Variants in ABCC9 observed in about 807,000 individuals in gnomAD.
ABCC9 encodes ATP binding cassette subfamily C member 9.
ABCC9 carries 95 observed loss-of-function variants against 188.3 expected under a neutral mutation model. That is an observed-to-expected ratio of 0.50 (90% CI 0.43 to 0.60). The LOEUF is 0.60. Ranked by LOEUF, ABCC9 falls within the 20% of genes least tolerant of loss-of-function variation. ABCC9 has a pLI of 0.00. For synonymous variants in ABCC9, 659 were observed against 652.7 expected (o/e 1.01, Z -0.15); for missense variants, 1,102 against 1,876.3 (o/e 0.59, Z 7.62).
At chr12:21,896,823 A>G (rs1947453906) in intron 12 of ABCC9, among the ~76,000 whole-genome samples, 1 of 152,186 alleles carries the variant, frequency 6.6e-6, no homozygotes, top group Admixed American at 6.5e-5. Context: ...TCTATCACTG[A>G]TGGACATTTG....
intron 35 of ABCC9, 49 bp downstream of exon 35, chr12:21,814,595 T>A: frequency 6.7e-7 from 1 of 1,489,876 alleles, no homozygotes; most frequent in Non-Finnish European, 9.4e-7. Flanking sequence ...GATGTTTTTT[T>A]AAAGGAAAGC....
rs565927065 is a variant in ABCC9 at position 21,812,093 on chromosome 12, A to T, written c.4167T>A (p.Leu1389=). Residue 1389 remains leucine (L), a synonymous_variant, in exon 36 of 40, where the codon CTT becomes CTA. Transcript: ENST00000261200. ...GTATTGGATCCTGCAGAATGATTGA[A>T]AGTCTAGAACGTAGTGTGTGCAGTG... ...KLPLHTLRSR[L]SIILQDPILF... 6.2e-7 allele frequency: 1 copy of T among 1,613,338 alleles called. No homozygotes were observed. Among genetic ancestry groups the T allele is most frequent in the African/African-American group, 1.3e-5 (1 of 75,022 alleles).
At position 21,915,913 on chromosome 12, in the gene ABCC9, G is replaced by A. The variant is rs1413553868; in HGVS notation, c.574-3C>T. The A allele has an allele frequency of 6.2e-7, 1 of 1,611,180 alleles. No homozygotes were observed. The highest frequency in any genetic ancestry group is 8.5e-7 in the Non-Finnish European group (1 of 1,177,844). On this transcript the variant is annotated splice_region_variant and splice_polypyrimidine_tract_variant and intron_variant, in intron 6 of 39. Coordinates refer to ENST00000261200, the MANE Select transcript of ABCC9 (RefSeq NM_020297.4). ...GGATTCATGAAAAATACATATCTCTGTGGCAAGAAAAATTCCACAGTATAA... is the reference window on the plus strand; with the variant it reads ...GGATTCATGAAAAATACATATCTCTATGGCAAGAAAAATTCCACAGTATAA...
chr12:21,810,949 A>G (rs1315638572), intron 36 of ABCC9, among the ~76,000 whole-genome samples: 1 of 152,164 alleles, frequency 6.6e-6, no homozygotes, highest in Non-Finnish European at 1.5e-5. Flanking sequence ...TTAGGAGCAA[A>G]ATAGAACAAA....
intron 22 of ABCC9, 69 bp downstream of exon 22, chr12:21,859,517 C>T (rs1215375474): frequency 6.8e-7 from 1 of 1,472,030 alleles, no homozygotes; most frequent in South Asian, 1.1e-5. Context: ...TTGACTTACA[C>T]CTTTTTAAAG....
At chr12:21,844,348 TAC>T (rs1944525925) in intron 28 of ABCC9, 133 bp downstream of exon 28, 11 of 733,484 alleles carry the variant, frequency 1.5e-5, no homozygotes, top group Non-Finnish European at 2.6e-5. Context: ...CATGTATTGA[TAC>T]AAATACAAAT....
chr12:21,861,045 C>T lies in ABCC9; in HGVS notation c.2350G>A (p.Val784Ile), dbSNP rs1392018653. 1 of 1,613,360 alleles carries T rather than the reference C, an allele frequency of 6.2e-7. No homozygotes were observed. Among genetic ancestry groups the T allele is most frequent in the East Asian group, 2.2e-5 (1 of 44,850 alleles). Residue 784 changes from valine (V) to isoleucine (I), a missense_variant, in exon 21 of 40, where the codon GTC becomes ATC. Val to Ile is a conservative substitution (Grantham distance 29). Around this residue, in one of 12 missense-constraint regions of ABCC9, gnomAD observed 258 missense variants for 325.6 expected, o/e 0.79. Transcript: ENST00000261200. Reference sequence around the variant, plus strand: ...GGCTGAAGAGAACAGGCATCTGTGACAGCTTTGTACCTTTGGGAGAAATGA... The same window carrying T: ...GGCTGAAGAGAACAGGCATCTGTGATAGCTTTGTACCTTTGGGAGAAATGA... ...SPFNKQRYKA[V>I]TDACSLQPDI...
rs1330468044 is a variant in ABCC9 at position 21,834,703 on chromosome 12, C to A, written c.3566+3375G>T. On this transcript the variant is annotated intron_variant, in intron 30 of 39. Coordinates refer to ENST00000261200, the MANE Select transcript of ABCC9 (RefSeq NM_020297.4). ...TCTTTTTCCATCCATCTGTTCCTTT[C>A]ATATATATATATCCAGAAGAATAAA... is the stretch of plus-strand genomic sequence containing the variant. 4.7e-5 allele frequency among the ~76,000 whole-genome samples: 7 copies of A among 149,992 alleles called. No individual in the cohort carries two copies. The East Asian group carries it at 1.4e-3, about 29-fold the overall frequency.
Position 21,910,992 on chromosome 12 carries a change from A to G in ABCC9, c.1012-14T>C. The G allele has an allele frequency of 1.2e-6, 2 of 1,610,952 alleles. No homozygotes were observed. Among genetic ancestry groups the G allele is most frequent in the African/African-American group, 1.3e-5 (1 of 74,926 alleles). On this transcript the variant is annotated splice_polypyrimidine_tract_variant and intron_variant, in intron 8 of 39. Coordinates refer to ENST00000261200, the MANE Select transcript of ABCC9 (RefSeq NM_020297.4). The stretch of plus-strand genomic sequence containing the variant: ...GGTTTCTGAAATCTGGTCCCCAAAG[A>G]AAAAAAGTGTCATATTAAAACTCGT...
chr12:21,893,023 A>G (rs1000334757), intron 14 of ABCC9, among the ~76,000 whole-genome samples: 11 of 152,178 alleles, frequency 7.2e-5, no homozygotes, highest in Non-Finnish European at 5.9e-5. Context: ...ATTGTTTACA[A>G]AGCATTCTGA....
chr12:21,816,593 G>C (rs1256826237), intron 33 of ABCC9, among the ~76,000 whole-genome samples: 1 of 152,172 alleles, frequency 6.6e-6, no homozygotes, highest in East Asian at 1.9e-4. Flanking sequence ...AGTGTGGCCA[G>C]AGTAAAAGTG....
intron 24 of ABCC9, 23 bp from the exon 25 acceptor site, chr12:21,848,269 A>G: frequency 6.3e-7 from 1 of 1,597,710 alleles, no homozygotes; most frequent in African/African-American, 1.3e-5. Context: ...TTGTACTATC[A>G]TGCAAGGAGC....
chr12:21,812,521 C>T (rs1428481343), intron 35 of ABCC9, among the ~76,000 whole-genome samples: 2 of 152,114 alleles, frequency 1.3e-5, no homozygotes, highest in Non-Finnish European at 2.9e-5. Flanking sequence ...ATGCAGCCAT[C>T]GAAAAGGATG....
At chr12:21,862,916 G>A in intron 20 of ABCC9, 37 bp downstream of exon 20, 2 of 1,313,694 alleles carry the variant, frequency 1.5e-6, no homozygotes, top group Non-Finnish European at 2.2e-6. Flanking sequence ...AGAAAGAGTT[G>A]CCATTTTGGT....
At chr12:21,831,609 G>T (rs1943762596) in intron 30 of ABCC9, among the ~76,000 whole-genome samples, 1 of 152,186 alleles carries the variant, frequency 6.6e-6, no homozygotes, top group Non-Finnish European at 1.5e-5. Flanking sequence ...AGGAAATGGA[G>T]TGAAGGGTGG....
chr12:21,876,820 T>A lies in ABCC9; in HGVS notation c.2020-1094A>T, dbSNP rs982403087. 2.0e-5 allele frequency among the ~76,000 whole-genome samples: 3 copies of A among 152,232 alleles called. No homozygotes were observed. In the South Asian group the frequency reaches 6.2e-4, roughly 32 times the overall value. On this transcript the variant is annotated intron_variant, in intron 16 of 39. Transcript: ENST00000261200. ...TTCTAAGCACACTGTTGTTTAGGAA[T>A]TTTGCAGAATGGATTTGTGATATCT...
chr12:21,892,902 G>T (rs1393303552), intron 14 of ABCC9, among the ~76,000 whole-genome samples: 1 of 152,006 alleles, frequency 6.6e-6, no homozygotes, highest in Non-Finnish European at 1.5e-5. Flanking sequence ...CTATGTTTCC[G>T]TCAATTGCAA....
At chr12:21,815,734 A>G (rs2137173383) in intron 34 of ABCC9, 29 bp downstream of exon 34, 1 of 1,610,330 alleles carries the variant, frequency 6.2e-7, no homozygotes. Context: ...TTTTATGTAT[A>G]CAACATATCA....
intron 16 of ABCC9, among the ~76,000 whole-genome samples, chr12:21,880,867 GC>G (rs1166045689): frequency 6.6e-6 from 1 of 151,948 alleles, no homozygotes; most frequent in Non-Finnish European, 1.5e-5. Flanking sequence ...GTTCACAATA[GC>G]CCCAAACTGA....
Sources: gnomAD v4.1 joint callset for allele counts (sites outside exome capture counted in the v4.1 genomes callset) on GRCh38, gnomAD v4.1.1 for gene constraint, gnomAD v4.1.1 regional missense constraint, MANE v1.5 for transcripts, NCBI Gene and HGNC (gene_info 2026-07-23, HGNC 2026-07-21) for gene names.